The following F11R variants were observed in gnomAD, a reference collection of about 807,000 sequenced individuals.
The protein encoded by F11R is F11 receptor, also known as junctional adhesion molecule A.
F11R carries 27 observed loss-of-function variants against 39.3 expected under a neutral mutation model. The observed-to-expected ratio is 0.69, with a 90% CI of 0.51 to 0.95. The LOEUF (loss-of-function observed/expected upper bound fraction) is 0.95, where lower values mean the gene tolerates loss of function less well. Among genes scored for constraint, F11R ranks in the 40% least tolerant of loss-of-function variants. The pLI is 0.00. For missense variants in F11R, 335 were observed against 372.7 expected (o/e 0.90, Z 0.83); for synonymous variants, 131 against 144.9 (o/e 0.90, Z 0.69).
chr1:161,010,702 T>C (rs553282863), intron 1 of F11R, among the ~76,000 whole-genome samples: 26 of 152,160 alleles, frequency 1.7e-4, no homozygotes, highest in Admixed American at 5.2e-4. Context: ...TTTAAATATT[T>C]TGGCTGGGTG....
intron 1 of F11R, among the ~76,000 whole-genome samples, chr1:161,005,868 A>G (rs746650823): frequency 1.3e-5 from 2 of 151,938 alleles, no homozygotes; most frequent in Non-Finnish European, 2.9e-5. Flanking sequence ...TGGGCATGGC[A>G]GCTCAACAGC....
Position 161,000,784 on chromosome 1 carries a change from C to A in F11R, c.242-7G>T. 1 of 1,614,088 alleles carries A rather than the reference C, an allele frequency of 6.2e-7. No individual in the cohort carries two copies. The highest frequency in any genetic ancestry group is 8.5e-7 in the Non-Finnish European group (1 of 1,179,990). Reference sequence around the variant, plus strand: ...ACCCGGTCCTCATAGGAAGCTACCACAAGAGGAGGCAAGAGCAAGGACAGA... The same window carrying A: ...ACCCGGTCCTCATAGGAAGCTACCAAAAGAGGAGGCAAGAGCAAGGACAGA... On this transcript the variant is annotated splice_polypyrimidine_tract_variant and splice_region_variant and intron_variant, in intron 3 of 9. Coordinates refer to ENST00000368026, the MANE Select transcript of F11R (RefSeq NM_016946.6).
intron 1 of F11R, among the ~76,000 whole-genome samples, chr1:161,003,267 G>A (rs1206429527): frequency 2.0e-5 from 3 of 152,046 alleles, no homozygotes. Context: ...GGGATTACAG[G>A]CATGTGCCAC....
chr1:161,000,789 G>C lies in F11R; in HGVS notation c.242-12C>G. ...GTCCTCATAGGAAGCTACCACAAGA[G>C]GAGGCAAGAGCAAGGACAGAGTGAA... is the stretch of plus-strand genomic sequence containing the variant. On this transcript the variant is annotated splice_polypyrimidine_tract_variant and intron_variant, in intron 3 of 9. Coordinates refer to ENST00000368026, the MANE Select transcript of F11R (RefSeq NM_016946.6). 2 of 1,614,146 alleles carry C rather than the reference G, an allele frequency of 1.2e-6. No individual in the cohort carries two copies. Among genetic ancestry groups the C allele is most frequent in the South Asian group, 2.2e-5 (2 of 91,080 alleles).
rs556045882 is a variant in F11R at position 161,006,804 on chromosome 1, C to T, written c.65-5451G>A. 3.9e-5 allele frequency among the ~76,000 whole-genome samples: 6 copies of T among 152,314 alleles called. No individual in the cohort carries two copies. In the East Asian group the frequency reaches 7.7e-4, roughly 20 times the overall value. On this transcript the variant is annotated intron_variant, in intron 1 of 9. Coordinates refer to ENST00000368026, the MANE Select transcript of F11R (RefSeq NM_016946.6). ...TCCCATTCACCACAGGACACCTCAG[C>T]CATCCTGGTCCACATTCCCCTTCTC...
At chr1:161,005,439 G>T (rs1333718713) in intron 1 of F11R, among the ~76,000 whole-genome samples, 1 of 151,636 alleles carries the variant, frequency 6.6e-6, no homozygotes, top group African/African-American at 2.4e-5. Flanking sequence ...CTCCTAAGTA[G>T]TTGGGACTAC....
chr1:161,002,184 C>T (rs566861738), intron 1 of F11R, among the ~76,000 whole-genome samples: 71 of 151,210 alleles, frequency 4.7e-4, no homozygotes, highest in African/African-American at 1.5e-3. Flanking sequence ...GTCGCTTGAA[C>T]CCGGGAGGCG....
intron 1 of F11R, among the ~76,000 whole-genome samples, chr1:161,014,715 G>A (rs532106631): frequency 1.1e-4 from 16 of 150,668 alleles, no homozygotes; most frequent in South Asian, 4.2e-4. Context: ...CAAGGCAGGC[G>A]GATCACTTGA....
intron 1 of F11R, among the ~76,000 whole-genome samples, chr1:161,015,612 A>T (rs899457934): frequency 4.1e-5 from 6 of 148,032 alleles, no homozygotes; most frequent in Non-Finnish European, 7.4e-5. Context: ...AAAAGGCTGC[A>T]GTGAGCTATG....
chr1:161,004,707 AC>A (rs942248824), intron 1 of F11R, among the ~76,000 whole-genome samples: 22 of 151,898 alleles, frequency 1.4e-4, no homozygotes, highest in African/African-American at 5.3e-4. Context: ...ACAGAGCAAG[AC>A]CCTGTCTCTA....
intron 1 of F11R, among the ~76,000 whole-genome samples, chr1:161,017,572 C>G (rs1649534587): frequency 6.6e-6 from 1 of 152,188 alleles, no homozygotes; most frequent in South Asian, 2.1e-4. Flanking sequence ...GACCCTCTCC[C>G]CACAATTGTC....
In F11R at chr1:161,018,237, G is replaced by T. The variant is rs531053867; in HGVS notation, c.64+2773C>A. 2.0e-4 allele frequency among the ~76,000 whole-genome samples: 31 copies of T among 152,282 alleles called. 1 individual carries two copies. In the South Asian group the frequency reaches 5.2e-3, roughly 25 times the overall value. Reference sequence around the variant, plus strand: ...CAGGGTCAGGGTTTCCCCTCCATTAGGTTCCCCAAGCTGGGGCCAGGCCTT... The same window carrying T: ...CAGGGTCAGGGTTTCCCCTCCATTATGTTCCCCAAGCTGGGGCCAGGCCTT... On this transcript the variant is annotated intron_variant, in intron 1 of 9. Transcript: ENST00000368026.
At chr1:161,004,044 G>A (rs969649342) in intron 1 of F11R, among the ~76,000 whole-genome samples, 2 of 152,034 alleles carry the variant, frequency 1.3e-5, no homozygotes, top group Admixed American at 6.6e-5. Flanking sequence ...GATTACAAGC[G>A]TGAGCCACCG....
At chr1:161,008,186 G>A (rs1482083676) in intron 1 of F11R, among the ~76,000 whole-genome samples, 2 of 152,060 alleles carry the variant, frequency 1.3e-5, no homozygotes, top group African/African-American at 4.8e-5. Context: ...CTTAGGTTTT[G>A]GGCCCATGTA....
At position 160,999,689 on chromosome 1, in the gene F11R, T is replaced by A; in HGVS notation, c.753A>T (p.Gly251=). Residue 251 remains glycine (G), a synonymous_variant, in exon 7 of 10, where the codon GGA becomes GGT. Coordinates refer to ENST00000368026, the MANE Select transcript of F11R (RefSeq NM_016946.6). ...AAVLVTLILL[G]ILVFGIWFAY... The stretch of plus-strand genomic sequence containing the variant: ...CAAACCAGATGCCAAAAACCAAGAT[T>A]CCCAGGAGAATCAGGGTTACAAGGA... 6.2e-7 allele frequency: 1 copy of A among 1,613,878 alleles called. No homozygotes were observed. Among genetic ancestry groups the A allele is most frequent in the East Asian group, 2.2e-5 (1 of 44,858 alleles).
intron 1 of F11R, among the ~76,000 whole-genome samples, chr1:161,007,139 C>T (rs1382545173): frequency 7.0e-6 from 1 of 142,518 alleles, no homozygotes; most frequent in African/African-American, 2.6e-5. Context: ...CCATTGCACT[C>T]CAGCCTGGGC....
chr1:161,000,183 TTGC>T lies in F11R; in HGVS notation c.551_553del (p.Ser184del), dbSNP rs759245240. 48 of 1,613,778 alleles carry T rather than the reference TTGC, an allele frequency of 3.0e-5. No individual in the cohort carries two copies. Among genetic ancestry groups the T allele is most frequent in the Non-Finnish European group, 3.8e-5 (45 of 1,180,004 alleles). On this transcript the variant is annotated inframe_deletion, in exon 5 of 10. Coordinates refer to ENST00000368026, the MANE Select transcript of F11R (RefSeq NM_016946.6). The stretch of plus-strand genomic sequence containing the variant: ...TGTGGGATTCAGGACATAGGAAGAG[TTGC>T]TGAAGGCACGGGTGCTTTTGGGATT...
In F11R at chr1:161,000,922, T is replaced by A. The variant is rs1441339687; in HGVS notation, c.241+98A>T. ...GGCCATGAGGACTTCAGCCCCAGGGTGTGCCCTGGGATAAGGGCACAAAGT... is the reference window on the plus strand; with the variant it reads ...GGCCATGAGGACTTCAGCCCCAGGGAGTGCCCTGGGATAAGGGCACAAAGT... On this transcript the variant is annotated intron_variant, in intron 3 of 9. Coordinates refer to ENST00000368026, the MANE Select transcript of F11R (RefSeq NM_016946.6). 5 of 1,450,018 alleles carry A rather than the reference T, an allele frequency of 3.4e-6. No homozygotes were observed. In the African/African-American group the frequency reaches 7.0e-5, roughly 20 times the overall value. The allele number at this position is 1,450,018 out of a possible 1,614,324, so 89.8% of individuals were successfully genotyped here. A position where few individuals can be genotyped will look rare whatever the true frequency, so the allele number is the denominator to read the frequency against.
chr1:160,998,740 GA>G lies in F11R; in HGVS notation c.*130del. On this transcript the variant is annotated 3_prime_UTR_variant, in exon 10 of 10. Transcript: ENST00000368026. The stretch of plus-strand genomic sequence containing the variant: ...AGCTGACATTATTAAAAACACATCC[GA>G]AGAAGTAGGGGGCCCTGTGGGGTGT... 1.2e-6 allele frequency: 1 copy of G among 826,404 alleles called. No individual in the cohort carries two copies. Among genetic ancestry groups the G allele is most frequent in the Non-Finnish European group, 2.0e-6 (1 of 499,856 alleles). The allele number at this position is 826,404 out of a possible 1,614,324, so 51.2% of individuals were successfully genotyped here.
Sources: allele counts gnomAD v4.1 joint callset (sites outside exome capture counted in the v4.1 genomes callset), GRCh38; gene constraint gnomAD v4.1.1; transcripts MANE v1.5; gene names NCBI Gene and HGNC (gene_info 2026-07-23, HGNC 2026-07-21).